Variants in CCDC102B observed in about 807,000 individuals in gnomAD.
CCDC102B encodes the protein coiled-coil domain-containing protein 102B.
In CCDC102B, 75 loss-of-function variants were observed where a neutral mutation model predicts 57.4. That is an observed-to-expected ratio of 1.31 (90% CI 1.08 to 1.58). The LOEUF (loss-of-function observed/expected upper bound fraction) is 1.58, where lower values mean the gene tolerates loss of function less well. CCDC102B is among the 40% of genes most tolerant of loss of function. The pLI, the probability that CCDC102B is intolerant of heterozygous loss-of-function variation, is 0.00. For missense variants in CCDC102B, 636 were observed against 582.6 expected, an observed-to-expected ratio of 1.09 and a Z score of -0.94; for synonymous variants, 206 against 201.9, an observed-to-expected ratio of 1.02 and a Z score of -0.17.
intron 2 of CCDC102B, among the ~76,000 whole-genome samples, chr18:68,724,350 A>G (rs182962432): frequency 1.5e-4 from 23 of 152,268 alleles, no homozygotes; most frequent in African/African-American, 5.3e-4. Context: ...TACTTATGCA[A>G]ATTTCTGCAG....
At chr18:69,026,658 T>A (rs2145433381) in intron 7 of CCDC102B, among the ~76,000 whole-genome samples, 1 of 152,044 alleles carries the variant, frequency 6.6e-6, no homozygotes, top group African/African-American at 2.4e-5. Flanking sequence ...GACACAGATA[T>A]GTAGTAGTTC....
chr18:68,982,965 A>G (rs2050631384), intron 6 of CCDC102B, among the ~76,000 whole-genome samples: 1 of 151,942 alleles, frequency 6.6e-6, no homozygotes, highest in African/African-American at 2.4e-5. Context: ...ATATGTATTC[A>G]TACATTTTCA....
intron 6 of CCDC102B, among the ~76,000 whole-genome samples, chr18:68,952,123 A>T (rs942499939): frequency 1.3e-5 from 2 of 152,172 alleles, no homozygotes; most frequent in Admixed American, 6.5e-5. Context: ...GGCCTATAAA[A>T]TATATTCTTC....
At position 68,837,426 on chromosome 18, in the gene CCDC102B, G is replaced by T. The variant is rs1433057025; in HGVS notation, c.606+57G>T. On this transcript the variant is annotated intron_variant, in intron 2 of 7. Coordinates refer to ENST00000360242, the MANE Select transcript of CCDC102B (RefSeq NM_024781.3). The stretch of plus-strand genomic sequence containing the variant: ...TCTGAAGGTCATATATAGTGATGGG[G>T]AGGAAGAAGGAAGTGACAAATGCAA... The T allele has an allele frequency of 2.0e-6, 3 of 1,501,960 alleles. No homozygotes were observed. In the Admixed American group the frequency reaches 6.0e-5, roughly 30 times the overall value. The allele number at this position is 1,501,960 out of a possible 1,614,324, so 93.0% of individuals were successfully genotyped here.
chr18:69,022,665 G>T (rs1310716787), intron 7 of CCDC102B, among the ~76,000 whole-genome samples: 1 of 151,890 alleles, frequency 6.6e-6, no homozygotes, highest in Non-Finnish European at 1.5e-5. Flanking sequence ...ATGTATTTAT[G>T]TATCCCCTTT....
At chr18:68,857,286 T>G (rs1338005277) in intron 4 of CCDC102B, among the ~76,000 whole-genome samples, 2 of 7,136 alleles carry the variant, frequency 2.8e-4, no homozygotes, top group East Asian at 0.011. Context: ...TAATATATAT[T>G]TATATATTAT....
rs181490176 is a variant in CCDC102B, at chr18:68,880,049, G to A, written c.1053+5264G>A. Among the ~76,000 whole-genome samples the A allele has an allele frequency of 4.6e-3, 706 of 152,316 alleles. 5 individuals carry two copies. Among genetic ancestry groups the A allele is most frequent in the African/African-American group, 0.016 (657 of 41,586 alleles). On this transcript the variant is annotated intron_variant, in intron 5 of 7. Transcript: ENST00000360242. ...GATTGGGCGCTGTGGAGCAGGGGGCGGTGCTCATCGGGGAGGCTTGGGCCC... is the reference window on the plus strand; with the variant it reads ...GATTGGGCGCTGTGGAGCAGGGGGCAGTGCTCATCGGGGAGGCTTGGGCCC...
chr18:69,045,774 T>A (rs113758664), intron 7 of CCDC102B, among the ~76,000 whole-genome samples: 3,095 of 152,104 alleles, frequency 0.02, 101 homozygotes, highest in African/African-American at 0.069. Context: ...CACCCTCAAG[T>A]AGGTCCCAGT....
At chr18:68,987,132 A>G (rs2050744796) in intron 6 of CCDC102B, among the ~76,000 whole-genome samples, 1 of 152,232 alleles carries the variant, frequency 6.6e-6, no homozygotes, top group Non-Finnish European at 1.5e-5. Flanking sequence ...AAGTGAAAAG[A>G]ACAAAGCTGA....
At position 68,897,423 on chromosome 18, in the gene CCDC102B, A is replaced by T. The variant is rs200801072; in HGVS notation, c.1258A>T (p.Asn420Tyr). ...GTCACAAATTGATCTGCAAGAAAAA[A>T]ACCAGGTATGGGTGCTCCTTGGAGC... ...KMSQIDLQEK[N>Y]QELLNLQHAY... The change falls in exon 6 of 8, where the codon AAC (asparagine) becomes TAC (tyrosine). Residue 420 changes from asparagine (N) to tyrosine (Y), a missense_variant. Physicochemically the swap from Asn to Tyr is moderately radical, Grantham distance 143. Coordinates refer to ENST00000360242, the MANE Select transcript of CCDC102B (RefSeq NM_024781.3). The T allele has an allele frequency of 3.1e-6, 5 of 1,610,650 alleles. No individual in the cohort carries two copies. In the South Asian group the frequency reaches 4.4e-5, roughly 14 times the overall value.
chr18:68,993,054 C>A, intron 6 of CCDC102B: 1 of 155,654 alleles, frequency 6.4e-6, no homozygotes, highest in South Asian at 1.8e-4. Flanking sequence ...AGCTGCTGCT[C>A]AAAAGCTTTC....
In CCDC102B at chr18:68,854,187, G is replaced by T. The variant is rs548656204; in HGVS notation, c.936+7766G>T. On this transcript the variant is annotated intron_variant, in intron 4 of 7. Coordinates refer to ENST00000360242, the MANE Select transcript of CCDC102B (RefSeq NM_024781.3). Reference sequence around the variant, plus strand: ...GCGATCTCCGCTCACTTCAACCTCCGTCTCCCGGGTTCAAGTGATTTTCCT... The same window carrying T: ...GCGATCTCCGCTCACTTCAACCTCCTTCTCCCGGGTTCAAGTGATTTTCCT... Among the ~76,000 whole-genome samples, 3 of 151,212 alleles carry T rather than the reference G, an allele frequency of 2.0e-5. No homozygotes were observed. In the South Asian group the frequency reaches 6.3e-4, roughly 32 times the overall value.
rs1327432442 is a variant in CCDC102B, at chr18:68,790,097, T to C, written c.-66-33269T>C. ...TGTTGGAATACCCTGCCATGTGAGG[T>C]GTCAGTCTGCCCCTGCTGGGGGGTG... On this transcript the variant is annotated intron_variant, in intron 2 of 3. Coordinates refer to the CCDC102B transcript ENST00000578970. Among the ~76,000 whole-genome samples the C allele has an allele frequency of 4.0e-5, 6 of 148,760 alleles. No individual in the cohort carries two copies. The East Asian group carries it at 1.2e-3, about 29-fold the overall frequency.
intron 1 of CCDC102B, among the ~76,000 whole-genome samples, chr18:68,821,395 C>T (rs908974588): frequency 2.0e-5 from 3 of 150,598 alleles, no homozygotes; most frequent in African/African-American, 7.3e-5. Flanking sequence ...AATATAATAT[C>T]TTTATTAATA....
In CCDC102B at chr18:69,054,249, A is replaced by T. The variant is rs75137608; in HGVS notation, c.*112A>T. On this transcript the variant is annotated 3_prime_UTR_variant, in exon 8 of 8. Coordinates refer to ENST00000360242, the MANE Select transcript of CCDC102B (RefSeq NM_024781.3). ...ATTAACTAGAAATATTAATGAAAAA[A>T]ACGTAGACAATACACAAATTAATGG... 1,297 of 1,370,856 alleles carry T rather than the reference A, an allele frequency of 9.5e-4. 17 individuals are homozygous for T. In the East Asian group the frequency reaches 0.033, roughly 35 times the overall value. The allele number at this position is 1,370,856 out of a possible 1,614,324, so 84.9% of individuals were successfully genotyped here.
chr18:68,874,170 ATGTGTGTGTGTGTG>A (rs34176363), intron 4 of CCDC102B, among the ~76,000 whole-genome samples: 21 of 138,336 alleles, frequency 1.5e-4, no homozygotes, highest in African/African-American at 4.9e-4. Flanking sequence ...GTGTGTGTGT[ATGTGTGTGTGTGTG>A]TGTGTGTGTG....
chr18:68,915,192 G>C (rs535355523), intron 6 of CCDC102B, among the ~76,000 whole-genome samples: 10 of 152,362 alleles, frequency 6.6e-5, no homozygotes, highest in African/African-American at 2.4e-4. Context: ...GCTGGAGACA[G>C]GTTGGTGGCT....
At chr18:68,913,230 C>G (rs2040935417) in intron 6 of CCDC102B, among the ~76,000 whole-genome samples, 2 of 151,588 alleles carry the variant, frequency 1.3e-5, no homozygotes, top group Non-Finnish European at 2.9e-5. Context: ...GAGAAAGCAT[C>G]CATACATCAG....
At chr18:68,773,585 T>C (rs1467094974) in intron 2 of CCDC102B, among the ~76,000 whole-genome samples, 2 of 152,060 alleles carry the variant, frequency 1.3e-5, no homozygotes, top group African/African-American at 4.8e-5. Flanking sequence ...TTTGAAGCAC[T>C]GCTTAAAATA....
Sources: gnomAD v4.1 joint callset for allele counts (sites outside exome capture counted in the v4.1 genomes callset) on GRCh38, gnomAD v4.1.1 for gene constraint, MANE v1.5 for transcripts, NCBI Gene and HGNC (gene_info 2026-07-23, HGNC 2026-07-21) for gene names.